The following HMGCLL1 variants were observed in gnomAD, a reference collection of about 807,000 sequenced individuals.
The protein encoded by HMGCLL1 is 3-hydroxymethyl-3-methylglutaryl-CoA lyase, cytoplasmic.
Under a neutral mutation model 39.1 loss-of-function variants are expected in HMGCLL1, and 36 were observed. The ratio of observed to expected loss-of-function variants is 0.92; its 90% CI spans 0.71 to 1.22. The LOEUF (loss-of-function observed/expected upper bound fraction) is 1.22, where lower values mean the gene tolerates loss of function less well. Among genes scored for constraint, HMGCLL1 ranks in the 50% most tolerant of loss-of-function variants. The pLI, the probability that HMGCLL1 is intolerant of heterozygous loss-of-function variation, is 0.00. For synonymous variants in HMGCLL1, 149 were observed against 144.0 expected (o/e 1.03, Z -0.25); for missense variants, 451 against 416.5 (o/e 1.08, Z -0.72).
chr6:55,447,900 G>T (rs6918642), intron 7 of HMGCLL1, among the ~76,000 whole-genome samples: 71,099 of 151,920 alleles, frequency 0.47, 16,909 homozygotes, highest in African/African-American at 0.56. Context: ...AAATACTGAC[G>T]ATATGCCGGA....
chr6:55,574,660 T>C (rs754496761), intron 1 of HMGCLL1, among the ~76,000 whole-genome samples: 1 of 151,954 alleles, frequency 6.6e-6, no homozygotes, highest in Non-Finnish European at 1.5e-5. Context: ...GAAAACAGTA[T>C]GATGGCAGTT....
upstream of HMGCLL1, chr6:55,579,253 A>G (rs1196377915): frequency 1.0e-5 from 6 of 593,750 alleles, no homozygotes; most frequent in South Asian, 7.9e-5. Flanking sequence ...CGCCTGGGGC[A>G]GCGGGTGCAC....
chr6:55,647,295 G>A, the HMGCLL1 span, among the ~76,000 whole-genome samples: 1 of 151,664 alleles, frequency 6.6e-6, no homozygotes, highest in Non-Finnish European at 1.5e-5. Context: ...ATCTCTATAG[G>A]TGAAGTGTGT....
At chr6:55,611,652 T>G in the HMGCLL1 span, among the ~76,000 whole-genome samples, 1 of 152,188 alleles carries the variant, frequency 6.6e-6, no homozygotes, top group East Asian at 1.9e-4. Context: ...GCAAGGCAGG[T>G]TCAACATACA....
At chr6:55,485,859 T>C (rs1489753992) in intron 7 of HMGCLL1, among the ~76,000 whole-genome samples, 4 of 151,726 alleles carry the variant, frequency 2.6e-5, no homozygotes, top group African/African-American at 9.7e-5. Flanking sequence ...GGAAATAGCC[T>C]CTCTAAAAAC....
At chr6:55,502,475 C>T (rs964451971) in intron 5 of HMGCLL1, among the ~76,000 whole-genome samples, 1 of 151,692 alleles carries the variant, frequency 6.6e-6, no homozygotes, top group Admixed American at 6.6e-5. Flanking sequence ...TTCTATTAGG[C>T]ATTTTCTACT....
At chr6:55,671,370 G>A in the HMGCLL1 span, among the ~76,000 whole-genome samples, 12 of 151,886 alleles carry the variant, frequency 7.9e-5, no homozygotes, top group East Asian at 1.4e-3. Flanking sequence ...TTACAGAAAC[G>A]TGAGGTAATA....
At chr6:55,494,715 G>A (rs1322033697) in intron 7 of HMGCLL1, among the ~76,000 whole-genome samples, 1 of 152,120 alleles carries the variant, frequency 6.6e-6, no homozygotes, top group Non-Finnish European at 1.5e-5. Context: ...CAAAATCTTG[G>A]ATTCTGAGAA....
At chr6:55,454,378 G>A (rs1007315717) in intron 7 of HMGCLL1, among the ~76,000 whole-genome samples, 13 of 152,198 alleles carry the variant, frequency 8.5e-5, no homozygotes, top group Non-Finnish European at 1.6e-4. Flanking sequence ...ACAAGACTCA[G>A]AAGCTCAGCA....
chr6:55,453,536 G>A (rs1166585558), intron 7 of HMGCLL1, among the ~76,000 whole-genome samples: 2 of 152,162 alleles, frequency 1.3e-5, no homozygotes, highest in African/African-American at 4.8e-5. Flanking sequence ...ATCATGGGAA[G>A]CCCTGTGCCT....
chr6:55,488,488 T>C (rs758549228), intron 7 of HMGCLL1, among the ~76,000 whole-genome samples: 1 of 152,060 alleles, frequency 6.6e-6, no homozygotes, highest in Non-Finnish European at 1.5e-5. Flanking sequence ...GCAGAGAGAC[T>C]TTCACATAGA....
intron 5 of HMGCLL1, among the ~76,000 whole-genome samples, chr6:55,504,507 G>A (rs993111703): frequency 6.6e-6 from 1 of 151,550 alleles, no homozygotes; most frequent in African/African-American, 2.4e-5. Context: ...TAGCCCACAT[G>A]GTATCACAAG....
At chr6:55,529,184 G>A (rs1189731464) in intron 3 of HMGCLL1, among the ~76,000 whole-genome samples, 3 of 151,976 alleles carry the variant, frequency 2.0e-5, no homozygotes, top group Non-Finnish European at 4.4e-5. Context: ...TCTGAAGTAG[G>A]GCAAGAAGTC....
At chr6:55,610,292 G>T in the HMGCLL1 span, among the ~76,000 whole-genome samples, 2 of 152,062 alleles carry the variant, frequency 1.3e-5, no homozygotes, top group Admixed American at 6.6e-5. Context: ...CACGATAAAA[G>T]GTTATAGGAG....
chr6:55,541,320 C>T (rs1769420119), intron 3 of HMGCLL1, among the ~76,000 whole-genome samples: 1 of 152,114 alleles, frequency 6.6e-6, no homozygotes, highest in South Asian at 2.1e-4. Flanking sequence ...GAGTATGTGT[C>T]TCCATTTCTC....
the HMGCLL1 span, among the ~76,000 whole-genome samples, chr6:55,667,623 G>A: frequency 6.6e-6 from 1 of 151,682 alleles, no homozygotes; most frequent in African/African-American, 2.4e-5. Flanking sequence ...TGTTGGTGGT[G>A]GTGGTGATTT....
the HMGCLL1 span, among the ~76,000 whole-genome samples, chr6:55,613,173 A>G: frequency 6.6e-6 from 1 of 152,190 alleles, no homozygotes; most frequent in African/African-American, 2.4e-5. Flanking sequence ...ACATTTATGC[A>G]GCCAATAGAC....
the HMGCLL1 span, among the ~76,000 whole-genome samples, chr6:55,621,632 C>A: frequency 6.6e-6 from 1 of 151,892 alleles, no homozygotes; most frequent in African/African-American, 2.4e-5. Flanking sequence ...TGCAGGAAAA[C>A]AAGCTCAGTG....
At chr6:55,568,634 A>G (rs1295916318) in intron 1 of HMGCLL1, among the ~76,000 whole-genome samples, 1 of 152,198 alleles carries the variant, frequency 6.6e-6, no homozygotes, top group Non-Finnish European at 1.5e-5. Flanking sequence ...CATAGTCAGA[A>G]CAGTGGTGGG....
Sources: allele counts gnomAD v4.1 joint callset (sites outside exome capture counted in the v4.1 genomes callset), GRCh38; gene constraint gnomAD v4.1.1; transcripts MANE v1.5; gene names NCBI Gene and HGNC (gene_info 2026-07-23, HGNC 2026-07-21).